The following THSD7B variants were observed in gnomAD, a reference collection of about 807,000 sequenced individuals.
THSD7B encodes the protein thrombospondin type 1 domain containing 7B.
Under a neutral mutation model 213.6 loss-of-function variants are expected in THSD7B, and 138 were observed. The observed-to-expected ratio is 0.65, with a 90% CI of 0.56 to 0.74. The LOEUF (loss-of-function observed/expected upper bound fraction) is 0.74. Ranked by LOEUF, THSD7B falls within the 30% of genes least tolerant of loss-of-function variation. The pLI is 0.00. For missense variants in THSD7B, 1,931 were observed against 1,991.5 expected (o/e 0.97, Z 0.58); for synonymous variants, 742 against 687.0 (o/e 1.08, Z -1.25).
chr2:137,656,973 C>T lies in THSD7B; in HGVS notation c.4279+4C>T, dbSNP rs1490546375. ...CTAGAAACACGCCCTTGTACAGGTACCAAGAGCACTTTTCAGTTCTTTAGC... is the reference window on the plus strand; with the variant it reads ...CTAGAAACACGCCCTTGTACAGGTATCAAGAGCACTTTTCAGTTCTTTAGC... On this transcript the variant is annotated splice_donor_region_variant and intron_variant, in intron 23 of 27. Coordinates refer to ENST00000409968, the MANE Select transcript of THSD7B (RefSeq NM_001316349.2). 1 of 1,613,428 alleles carries T rather than the reference C, an allele frequency of 6.2e-7. No homozygotes were observed. The highest frequency in any genetic ancestry group is 2.2e-5 in the East Asian group (1 of 44,894).
intron 14 of THSD7B, among the ~76,000 whole-genome samples, chr2:137,420,158 A>G (rs886358711): frequency 6.6e-6 from 1 of 152,070 alleles, no homozygotes; most frequent in Non-Finnish European, 1.5e-5. Context: ...GTGAGATGAT[A>G]TCTACCGTGG....
chr2:136,944,815 G>A (rs371293551), intron 2 of THSD7B, among the ~76,000 whole-genome samples: 7 of 150,218 alleles, frequency 4.7e-5, no homozygotes, highest in African/African-American at 7.4e-5. Flanking sequence ...TGAATACAAC[G>A]CACTGATGGG....
intron 7 of THSD7B, among the ~76,000 whole-genome samples, chr2:137,179,907 A>G (rs143191613): frequency 3.8e-4 from 58 of 152,262 alleles, no homozygotes; most frequent in African/African-American, 7.9e-4. Context: ...TCCTTCAAGA[A>G]ACATTTTCTT....
intron 15 of THSD7B, among the ~76,000 whole-genome samples, chr2:137,474,179 A>G (rs1199910620): frequency 1.3e-5 from 2 of 152,156 alleles, no homozygotes; most frequent in African/African-American, 2.4e-5. Context: ...TAATTCCTCT[A>G]TGTAAACACT....
At chr2:137,204,807 G>C (rs1288357562) in intron 7 of THSD7B, among the ~76,000 whole-genome samples, 1 of 145,636 alleles carries the variant, frequency 6.9e-6, no homozygotes, top group Non-Finnish European at 1.5e-5. Flanking sequence ...CATAGATTAT[G>C]ATGTAGTAAT....
chr2:137,148,090 G>C (rs1449551998), intron 5 of THSD7B, among the ~76,000 whole-genome samples: 2 of 152,082 alleles, frequency 1.3e-5, no homozygotes, highest in African/African-American at 4.8e-5. Context: ...CCTGGTAGCA[G>C]GTAATTGAAC....
chr2:136,882,459 A>G, intron 2 of THSD7B, 142 bp downstream of exon 2: 3 of 992,730 alleles, frequency 3.0e-6, no homozygotes, highest in South Asian at 3.4e-5. Flanking sequence ...TCTGCAGCTC[A>G]TATTTGATTT....
chr2:137,254,927 AG>A (rs1360791034), intron 10 of THSD7B, among the ~76,000 whole-genome samples: 3 of 151,908 alleles, frequency 2.0e-5, no homozygotes, highest in African/African-American at 2.4e-5. Flanking sequence ...AGAAAGAGTG[AG>A]GGGGGGCTCT....
intron 12 of THSD7B, among the ~76,000 whole-genome samples, chr2:137,287,101 T>C (rs1683199806): frequency 6.6e-6 from 1 of 152,138 alleles, no homozygotes; most frequent in Admixed American, 6.6e-5. Flanking sequence ...ATTTATTATT[T>C]TTGGGGAGAA....
intron 15 of THSD7B, among the ~76,000 whole-genome samples, chr2:137,475,056 C>T (rs1005348053): frequency 7.2e-5 from 11 of 152,150 alleles, no homozygotes; most frequent in Non-Finnish European, 1.5e-4. Flanking sequence ...CCAGTGACCT[C>T]GATGTGCTTG....
At chr2:136,809,027 G>A (rs76569412) in intron 1 of THSD7B, among the ~76,000 whole-genome samples, 5,305 of 152,300 alleles carry the variant, frequency 0.035, 129 homozygotes, top group Admixed American at 0.062. Flanking sequence ...GCTGGGCCTT[G>A]GGGATCAAGC....
intron 2 of THSD7B, among the ~76,000 whole-genome samples, chr2:136,976,103 A>G (rs1685476597): frequency 6.6e-6 from 1 of 152,206 alleles, no homozygotes; most frequent in Non-Finnish European, 1.5e-5. Flanking sequence ...TTTTCTAGAT[A>G]AAAGATCATG....
intron 15 of THSD7B, among the ~76,000 whole-genome samples, chr2:137,529,168 C>A (rs573006973): frequency 1.9e-4 from 29 of 152,126 alleles, no homozygotes; most frequent in Non-Finnish European, 4.0e-4. Context: ...CTTTACGTGA[C>A]TGTTAACTGC....
At chr2:136,893,402 C>T (rs1359983757) in intron 2 of THSD7B, among the ~76,000 whole-genome samples, 1 of 152,118 alleles carries the variant, frequency 6.6e-6, no homozygotes, top group Non-Finnish European at 1.5e-5. Context: ...AAATGTCTCC[C>T]TGCACCTTTT....
At chr2:136,878,310 G>T (rs1011406546) in intron 1 of THSD7B, among the ~76,000 whole-genome samples, 8 of 152,070 alleles carry the variant, frequency 5.3e-5, no homozygotes, top group Non-Finnish European at 8.8e-5. Flanking sequence ...CTTAATCCAG[G>T]CTATCATTGA....
At chr2:137,101,418 C>A (rs1688147738) in intron 4 of THSD7B, among the ~76,000 whole-genome samples, 1 of 152,224 alleles carries the variant, frequency 6.6e-6, no homozygotes, top group Non-Finnish European at 1.5e-5. Flanking sequence ...GATAAATTAA[C>A]AGATTCTCTA....
At chr2:137,070,206 T>C (rs1161698030) in intron 3 of THSD7B, among the ~76,000 whole-genome samples, 2 of 149,440 alleles carry the variant, frequency 1.3e-5, no homozygotes, top group Non-Finnish European at 3.0e-5. Flanking sequence ...AGGTAGCAAG[T>C]TATATAATCC....
At chr2:137,649,113 G>T (rs1683091656) in intron 21 of THSD7B, among the ~76,000 whole-genome samples, 1 of 151,916 alleles carries the variant, frequency 6.6e-6, no homozygotes, top group South Asian at 2.1e-4. Flanking sequence ...TTTTAAATTG[G>T]ATTATTTGGG....
chr2:136,814,711 A>G (rs1471061974), intron 1 of THSD7B, among the ~76,000 whole-genome samples: 2 of 152,150 alleles, frequency 1.3e-5, no homozygotes. Context: ...AATTTTTTAT[A>G]TATGCAAAGA....
Sources: gnomAD v4.1 joint callset for allele counts (sites outside exome capture counted in the v4.1 genomes callset) on GRCh38, gnomAD v4.1.1 for gene constraint, MANE v1.5 for transcripts, NCBI Gene and HGNC (gene_info 2026-07-23, HGNC 2026-07-21) for gene names.